AKAP12: variants seen among roughly 807,000 people sequenced by gnomAD.
The protein encoded by AKAP12 is A-kinase anchoring protein 12, also known as A-kinase anchor protein 12.
AKAP12 carries 32 observed loss-of-function variants against 79.9 expected under a neutral mutation model. That is an observed-to-expected ratio of 0.40 (90% CI 0.30 to 0.54). The LOEUF (loss-of-function observed/expected upper bound fraction) is 0.54. Among genes scored for constraint, AKAP12 ranks in the 20% least tolerant of loss-of-function variants. The pLI is 0.48. For synonymous variants in AKAP12, 808 were observed against 857.0 expected (o/e 0.94, Z 1.00); for missense variants, 2,074 against 2,177.0 (o/e 0.95, Z 0.94).
chr6:151,250,781 A>G (rs1797159538), intron 2 of AKAP12, among the ~76,000 whole-genome samples: 1 of 151,404 alleles, frequency 6.6e-6, no homozygotes. Context: ...AATTTTTTGT[A>G]TTTTTAGTAG....
intron 2 of AKAP12, among the ~76,000 whole-genome samples, chr6:151,257,820 T>G (rs1158268887): frequency 6.6e-6 from 1 of 152,220 alleles, no homozygotes. Context: ...TTAAGTTACA[T>G]CTGTCTAGAC....
At chr6:151,326,489 T>TAAAAAAAAAAAAAAA (rs746340831) in intron 3 of AKAP12, among the ~76,000 whole-genome samples, 9 of 80,194 alleles carry the variant, frequency 1.1e-4, no homozygotes, top group Non-Finnish European at 1.8e-4. Flanking sequence ...CAACAAATAG[T>TAAAAAAAAAAAAAAA]AAAAAAAAAA....
intron 3 of AKAP12, among the ~76,000 whole-genome samples, chr6:151,311,541 A>G (rs533544587): frequency 7.2e-5 from 11 of 152,298 alleles, no homozygotes; most frequent in Non-Finnish European, 1.5e-4. Context: ...AATGAGAAAC[A>G]AAAACCCTCA....
At chr6:151,300,786 T>C (rs527419664) in intron 2 of AKAP12, among the ~76,000 whole-genome samples, 2 of 152,236 alleles carry the variant, frequency 1.3e-5, no homozygotes, top group Admixed American at 1.3e-4. Context: ...AAACTCTGGC[T>C]GACCCACTCA....
At chr6:151,247,255 G>T (rs1389749863) in intron 2 of AKAP12, among the ~76,000 whole-genome samples, 2 of 152,128 alleles carry the variant, frequency 1.3e-5, no homozygotes, top group East Asian at 3.9e-4. Context: ...AAAAAATTTA[G>T]CTGGGTGCGG....
At chr6:151,326,502 A>AG (rs1230807810) in intron 3 of AKAP12, among the ~76,000 whole-genome samples, 1 of 145,544 alleles carries the variant, frequency 6.9e-6, no homozygotes, top group Non-Finnish European at 1.5e-5. Flanking sequence ...AAAAAAAAAA[A>AG]AAAAGAAAAA....
Position 151,349,916 on chromosome 6 carries a change from A to G in AKAP12, c.1525A>G (p.Met509Val). 1 of 1,614,124 alleles carries G rather than the reference A, an allele frequency of 6.2e-7. No individual in the cohort carries two copies. The stretch of plus-strand genomic sequence containing the variant: ...GGAAATGCTGTCATCACAGGAGAGA[A>G]TGAAGGTGCAGGGAAGTCCACTAAA... ...EVEMLSSQER[M>V]KVQGSPLKKL... The change falls in exon 4 of 5, where the codon ATG (methionine) becomes GTG (valine). Residue 509 changes from methionine (M) to valine (V), a missense_variant. This residue lies in a region of AKAP12 where 1,428 missense variants were observed against 1,451.0 expected (regional missense o/e 0.98). Coordinates refer to ENST00000402676, the MANE Select transcript of AKAP12 (RefSeq NM_005100.4).
intron 4 of AKAP12, among the ~76,000 whole-genome samples, chr6:151,354,170 A>G (rs989243982): frequency 7.2e-5 from 11 of 152,018 alleles, no homozygotes; most frequent in Admixed American, 1.3e-4. Flanking sequence ...AAACAAACAA[A>G]AAAAACTAGT....
At chr6:151,250,519 A>ATAAT (rs138396229) in intron 2 of AKAP12, among the ~76,000 whole-genome samples, 3,222 of 151,886 alleles carry the variant, frequency 0.021, 127 homozygotes, top group African/African-American at 0.073. Flanking sequence ...AAATAAATAA[A>ATAAT]TAAAATAAGA....
rs982660993 is a variant in AKAP12, at chr6:151,264,403, G to A, written c.162+23679G>A. ...AAAAAAAAAAAGCTTGGGCATAGTG[G>A]CTCACACCTGTAATCCCAGCACTTT... On this transcript the variant is annotated intron_variant, in intron 2 of 4. Transcript: ENST00000402676. 5.3e-5 allele frequency among the ~76,000 whole-genome samples: 8 copies of A among 150,856 alleles called. 1 individual carries two copies. The South Asian group carries it at 1.7e-3, about 32-fold the overall frequency.
intron 3 of AKAP12, chr6:151,324,360 A>C (rs1777471490): frequency 1.0e-6 from 1 of 985,292 alleles, no homozygotes; most frequent in Non-Finnish European, 1.2e-6. Flanking sequence ...TCTGGTTACC[A>C]GCAAGGAAGC....
Position 151,348,697 on chromosome 6 carries a change from C to CCCCTTTTTTT in AKAP12, c.320-14_320-13insCCCTTTTTTT. Reference sequence around the variant, plus strand: ...TTCTCTTCTCCCCACCCCCCCGCCCCTTTTTGTTAATAGTTGGACAGAGAG... The same window carrying CCCCTTTTTTT: ...TTCTCTTCTCCCCACCCCCCCGCCCCCCCTTTTTTTTTTTTGTTAATAGTTGGACAGAGAG... On this transcript the variant is annotated splice_polypyrimidine_tract_variant and intron_variant, in intron 3 of 4. Transcript: ENST00000402676. 6 of 650,664 alleles carry CCCCTTTTTTT rather than the reference C, an allele frequency of 9.2e-6. No individual in the cohort carries two copies. The highest frequency in any genetic ancestry group is 1.9e-5 in the African/African-American group (1 of 52,736). 40.3% of individuals were successfully genotyped at this position (650,664 alleles called of 1,614,324 possible). A position where few individuals can be genotyped will look rare whatever the true frequency, so the allele number is the denominator to read the frequency against.
chr6:151,329,499 A>C (rs955479531), intron 3 of AKAP12, among the ~76,000 whole-genome samples: 2 of 152,208 alleles, frequency 1.3e-5, no homozygotes, highest in African/African-American at 2.4e-5. Context: ...CAAACTGTGA[A>C]GTATCATGAG....
intron 2 of AKAP12, among the ~76,000 whole-genome samples, chr6:151,279,704 C>T (rs1021782730): frequency 1.3e-5 from 2 of 151,552 alleles, no homozygotes; most frequent in Admixed American, 6.6e-5. Context: ...CAAAAGCCGG[C>T]GAGGTGGCAG....
At position 151,315,497 on chromosome 6, in the gene AKAP12, T is replaced by C. The variant is rs932339947; in HGVS notation, c.319+9594T>C. Among the ~76,000 whole-genome samples, 19 of 152,212 alleles carry C rather than the reference T, an allele frequency of 1.2e-4. 1 individual carries two copies. Among genetic ancestry groups the C allele is most frequent in the Admixed American group, 1.1e-3 (17 of 15,280 alleles). On this transcript the variant is annotated intron_variant, in intron 3 of 4. Transcript: ENST00000402676. ...ACCTTGGTGATTAGGTTTCAACATA[T>C]GAAATTTTTTGTGGGGAGGGACACA...
intron 3 of AKAP12, 84 bp downstream of exon 3, chr6:151,305,987 C>T (rs1776970580): frequency 1.4e-6 from 2 of 1,411,444 alleles, no homozygotes; most frequent in Non-Finnish European, 9.5e-7. Flanking sequence ...GTCATACTGC[C>T]TGGTGGTGGA....
At chr6:151,329,599 T>C (rs1777617859) in intron 3 of AKAP12, among the ~76,000 whole-genome samples, 1 of 152,212 alleles carries the variant, frequency 6.6e-6, no homozygotes, top group Non-Finnish European at 1.5e-5. Context: ...TAATGCACTT[T>C]CCGATGCAAA....
chr6:151,321,478 T>C (rs1232643809), intron 3 of AKAP12, among the ~76,000 whole-genome samples: 1 of 151,252 alleles, frequency 6.6e-6, no homozygotes, highest in Non-Finnish European at 1.5e-5. Flanking sequence ...TTAAAGTTTT[T>C]TCAATATTCA....
At chr6:151,335,462 ATTT>A (rs199805830) in intron 3 of AKAP12, among the ~76,000 whole-genome samples, 1,897 of 142,244 alleles carry the variant, frequency 0.013, 33 homozygotes, top group African/African-American at 0.052. Context: ...TTTTCATTTT[ATTT>A]TTATTTTTAC....
Sources: gnomAD v4.1 joint callset for allele counts (sites outside exome capture counted in the v4.1 genomes callset) on GRCh38, gnomAD v4.1.1 for gene constraint, gnomAD v4.1.1 regional missense constraint, MANE v1.5 for transcripts, NCBI Gene and HGNC (gene_info 2026-07-23, HGNC 2026-07-21) for gene names.